ZNF383: variants seen among roughly 807,000 people sequenced by gnomAD.
ZNF383 encodes the protein zinc finger protein 383.
A neutral mutation model predicts 44.2 loss-of-function variants in ZNF383; 32 were observed. The ratio of observed to expected loss-of-function variants is 0.72; its 90% CI spans 0.55 to 0.97. ZNF383 has a LOEUF of 0.97. Ranked by LOEUF, ZNF383 falls within the 50% of genes least tolerant of loss-of-function variation. The pLI is 0.00. For synonymous variants in ZNF383, 155 were observed against 186.2 expected, an observed-to-expected ratio of 0.83 and a Z score of 1.36; for missense variants, 487 against 562.5, an observed-to-expected ratio of 0.87 and a Z score of 1.36.
At chr19:37,236,468 G>A (rs1463973959) in intron 5 of ZNF383, among the ~76,000 whole-genome samples, 1 of 151,496 alleles carries the variant, frequency 6.6e-6, no homozygotes, top group Non-Finnish European at 1.5e-5. Flanking sequence ...ACTTATTGTA[G>A]GCTCAAACTT....
At chr19:37,229,416 C>T (rs1973345511) in intron 2 of ZNF383, among the ~76,000 whole-genome samples, 2 of 149,932 alleles carry the variant, frequency 1.3e-5, no homozygotes, top group South Asian at 2.1e-4. Flanking sequence ...GCCTCAGCCT[C>T]CCAAACTGCT....
rs1357069869 is a variant in ZNF383, at chr19:37,244,157, C to T, written c.*493C>T. The T allele has an allele frequency of 2.6e-5, 4 of 152,120 alleles. No individual in the cohort carries two copies. The highest frequency in any genetic ancestry group is 5.9e-5 in the Non-Finnish European group (4 of 68,100). 9.4% of individuals were successfully genotyped at this position (152,120 alleles called of 1,614,324 possible). A position where few individuals can be genotyped will look rare whatever the true frequency, so the allele number is the denominator to read the frequency against. ...GGAGTGCAGTGGCGCAATCTCGGCTCGCTGCAACCTCCACCTCCCGGCTTC... is the reference window on the plus strand; with the variant it reads ...GGAGTGCAGTGGCGCAATCTCGGCTTGCTGCAACCTCCACCTCCCGGCTTC... On this transcript the variant is annotated 3_prime_UTR_variant, in exon 6 of 6. Transcript: ENST00000684119.
rs796652398 is a variant in ZNF383, at chr19:37,220,234, C to CT, written c.-168+1969dup. On this transcript the variant is annotated intron_variant, in intron 1 of 5. Transcript: ENST00000684119. ...CTTATATTTGGTTTTCTTTTCTTTT[C>CT]TTTTTTTTTCTTGAGACGGAGTCTC... 2.7e-4 allele frequency among the ~76,000 whole-genome samples: 41 copies of CT among 151,450 alleles called. 1 individual carries two copies. In the South Asian group the frequency reaches 7.1e-3, roughly 26 times the overall value.
In ZNF383 at chr19:37,245,587, G is replaced by A. The variant is rs956730041; in HGVS notation, c.*1923G>A. On this transcript the variant is annotated 3_prime_UTR_variant, in exon 6 of 6. Coordinates refer to ENST00000684119, the MANE Select transcript of ZNF383 (RefSeq NM_001387601.1). ...CCTCCCGGGTTCAAGCGATTCTCCTGCCTCAGCCTTCCTAGTATCTGAGAC... is the reference window on the plus strand; with the variant it reads ...CCTCCCGGGTTCAAGCGATTCTCCTACCTCAGCCTTCCTAGTATCTGAGAC... 5 of 151,326 alleles carry A rather than the reference G, an allele frequency of 3.3e-5. No homozygotes were observed. The highest frequency in any genetic ancestry group is 1.2e-4 in the African/African-American group (5 of 41,236). 9.4% of individuals were successfully genotyped at this position (151,326 alleles called of 1,614,324 possible).
intron 5 of ZNF383, among the ~76,000 whole-genome samples, chr19:37,242,217 C>T (rs1251105529): frequency 6.8e-6 from 1 of 147,556 alleles, no homozygotes; most frequent in African/African-American, 2.5e-5. Flanking sequence ...CCAGTTGATT[C>T]TGATCCACAT....
rs151291497 is a variant in ZNF383 at position 37,223,903 on chromosome 19, C to T, written c.-167-915C>T. Among the ~76,000 whole-genome samples the T allele has an allele frequency of 7.0e-3, 1,064 of 151,890 alleles. 5 individuals are homozygous for T. Among genetic ancestry groups the T allele is most frequent in the Non-Finnish European group, 8.8e-3 (595 of 67,972 alleles). On this transcript the variant is annotated intron_variant, in intron 1 of 5. Transcript: ENST00000684119. ...AAAAAAAAGTAGCCAGGTATGGTGGCGGGCACCTGTAATCTCAGCTACTCA... is the reference window on the plus strand; with the variant it reads ...AAAAAAAAGTAGCCAGGTATGGTGGTGGGCACCTGTAATCTCAGCTACTCA...
chr19:37,245,509 C>G lies in ZNF383; in HGVS notation c.*1845C>G, dbSNP rs1434083061. Reference sequence around the variant, plus strand: ...TTTTTTTTTTGAGATGGAGTTCACTCTGTTGCCCAGGCTGAAGTGCAGTGG... The same window carrying G: ...TTTTTTTTTTGAGATGGAGTTCACTGTGTTGCCCAGGCTGAAGTGCAGTGG... On this transcript the variant is annotated 3_prime_UTR_variant, in exon 6 of 6. Coordinates refer to ENST00000684119, the MANE Select transcript of ZNF383 (RefSeq NM_001387601.1). 1 of 148,676 alleles carries G rather than the reference C, an allele frequency of 6.7e-6. No individual in the cohort carries two copies. Among genetic ancestry groups the G allele is most frequent in the African/African-American group, 2.5e-5 (1 of 40,058 alleles). 9.2% of individuals were successfully genotyped at this position (148,676 alleles called of 1,614,324 possible). A position where few individuals can be genotyped will look rare whatever the true frequency, so the allele number is the denominator to read the frequency against.
At chr19:37,235,936 T>C (rs781371598) in intron 4 of ZNF383, 43 bp from the exon 5 acceptor site, 5 of 1,537,306 alleles carry the variant, frequency 3.3e-6, no homozygotes, top group Non-Finnish European at 3.6e-6. Flanking sequence ...GGATCTCCTT[T>C]ACCCCCAGCA....
At chr19:37,237,919 G>A (rs913247364) in intron 5 of ZNF383, among the ~76,000 whole-genome samples, 1 of 151,128 alleles carries the variant, frequency 6.6e-6, no homozygotes, top group Non-Finnish European at 1.5e-5. Context: ...CTGGAGTGCA[G>A]CGGCACAATC....
intron 5 of ZNF383, among the ~76,000 whole-genome samples, chr19:37,240,517 C>T (rs1211559431): frequency 2.0e-5 from 3 of 152,156 alleles, no homozygotes; most frequent in African/African-American, 7.2e-5. Flanking sequence ...CTTCTGGTTC[C>T]TGTTATCTTT....
Position 37,243,099 on chromosome 19 carries a change from G to A in ZNF383, c.863G>A (p.Gly288Glu). The A allele has an allele frequency of 6.2e-7, 1 of 1,614,062 alleles. No individual in the cohort carries two copies. Among genetic ancestry groups the A allele is most frequent in the Non-Finnish European group, 8.5e-7 (1 of 1,180,012 alleles). The change falls in exon 6 of 6, where the codon GGG becomes GAG. Residue 288 changes from glycine (G) to glutamate (E), a missense_variant. Gly to Glu is a moderately conservative substitution (Grantham distance 98). Coordinates refer to ENST00000684119, the MANE Select transcript of ZNF383 (RefSeq NM_001387601.1). ...AAACCTTATGAATGTAAAGTATGTG[G>A]GAAAGCCTTTACTAAGAGCTCACAA... ...GEKPYECKVC[G>E]KAFTKSSQLF...
chr19:37,235,720 T>C, intron 4 of ZNF383, 45 bp downstream of exon 4: 3 of 1,534,574 alleles, frequency 2.0e-6, no homozygotes, highest in Non-Finnish European at 2.6e-6. Flanking sequence ...CTCTGGAATG[T>C]CTCCTTCTTC....
intron 5 of ZNF383, 68 bp downstream of exon 5, chr19:37,236,142 C>A: frequency 8.0e-7 from 1 of 1,251,394 alleles, no homozygotes; most frequent in Admixed American, 2.1e-5. Flanking sequence ...AGGGAGGAAA[C>A]AGCACCTTTG....
chr19:37,235,339 G>A (rs11667451), intron 3 of ZNF383, among the ~76,000 whole-genome samples: 12,103 of 151,570 alleles, frequency 0.08, 659 homozygotes, highest in Non-Finnish European at 0.12. Context: ...TACTGGATTA[G>A]TCATTATTTC....
intron 4 of ZNF383, 106 bp downstream of exon 4, chr19:37,235,781 T>C (rs1402983078): frequency 7.1e-7 from 1 of 1,416,134 alleles, no homozygotes; most frequent in African/African-American, 1.4e-5. Flanking sequence ...ATTTCTATTC[T>C]TTATTACCAA....
Position 37,245,487 on chromosome 19 carries a change from T to G in ZNF383, c.*1823T>G, listed in dbSNP as rs957903950. On this transcript the variant is annotated 3_prime_UTR_variant, in exon 6 of 6. Transcript: ENST00000684119. The stretch of plus-strand genomic sequence containing the variant: ...AATTTTTTGTTTGTTTGTTTTTTTT[T>G]TTTTTTGAGATGGAGTTCACTCTGT... The G allele has an allele frequency of 1.6e-3, 212 of 136,216 alleles. 1 individual carries two copies. The highest frequency in any genetic ancestry group is 4.8e-3 in the African/African-American group (152 of 31,722). The allele number at this position is 136,216 out of a possible 1,614,324, so 8.4% of individuals were successfully genotyped here.
intron 3 of ZNF383, among the ~76,000 whole-genome samples, chr19:37,234,507 G>A (rs534566895): frequency 6.6e-6 from 1 of 152,220 alleles, no homozygotes; most frequent in Non-Finnish European, 1.5e-5. Flanking sequence ...TCCTGCCTCA[G>A]CCTCCTGAGT....
At chr19:37,233,811 A>G (rs1369372998) in intron 3 of ZNF383, among the ~76,000 whole-genome samples, 1 of 152,104 alleles carries the variant, frequency 6.6e-6, no homozygotes, top group Non-Finnish European at 1.5e-5. Flanking sequence ...GAGGAGGGGA[A>G]GAAGCTTTCT....
chr19:37,233,533 G>A (rs889031731), intron 3 of ZNF383, among the ~76,000 whole-genome samples: 2 of 151,788 alleles, frequency 1.3e-5, no homozygotes, highest in African/African-American at 2.4e-5. Context: ...AGGTTCAAGC[G>A]ATTCTGCTGT....
Sources: gnomAD v4.1 joint callset for allele counts (sites outside exome capture counted in the v4.1 genomes callset) on GRCh38, gnomAD v4.1.1 for gene constraint, MANE v1.5 for transcripts, NCBI Gene and HGNC (gene_info 2026-07-23, HGNC 2026-07-21) for gene names.